DYSF: variants seen among roughly 807,000 people sequenced by gnomAD.
DYSF encodes the protein dysferlin.
A neutral mutation model predicts 274.9 loss-of-function variants in DYSF; 212 were observed. The observed-to-expected ratio is 0.77, with a 90% confidence interval of 0.69 to 0.86. The LOEUF (loss-of-function observed/expected upper bound fraction) is 0.86, where lower values mean the gene tolerates loss of function less well. Ranked by LOEUF, DYSF falls within the 40% of genes least tolerant of loss-of-function variation. DYSF has a pLI of 0.00. For missense variants in DYSF, 2,666 were observed against 2,783.2 expected (o/e 0.96, Z 0.95); for synonymous variants, 1,091 against 1,078.7 (o/e 1.01, Z -0.22).
At position 71,518,827 on chromosome 2, in the gene DYSF, T is replaced by C. The variant is rs1238414508; in HGVS notation, c.1003-1351T>C. Among the ~76,000 whole-genome samples the C allele has an allele frequency of 8.6e-5, 13 of 151,918 alleles. 1 individual carries two copies. The highest frequency in any genetic ancestry group is 1.3e-4 in the Admixed American group (2 of 15,242). ...AATTGCTGGGACCAGGCGCAGTGGC[T>C]CATGCCTGTGATCCCAGTGCTTTGG... On this transcript the variant is annotated intron_variant, in intron 10 of 55. Transcript: ENST00000410020.
At chr2:71,636,166 A>T (rs572762905) in intron 41 of DYSF, among the ~76,000 whole-genome samples, 1 of 152,314 alleles carries the variant, frequency 6.6e-6, no homozygotes, top group East Asian at 1.9e-4. Flanking sequence ...GCTCGATCAC[A>T]AGCGACTTTA....
chr2:71,553,170 A>G lies in DYSF; in HGVS notation c.1966A>G (p.Ser656Gly). ...CLPLASTTQYSRAVFDGCHYY... is the reference protein window; with the variant it reads ...CLPLASTTQYGRAVFDGCHYY... ...GCCGCTGGCCTCCACCACTCAGTAC[A>G]GCCGTGCAGTCTTTGACGGTGAGGC... is the stretch of plus-strand genomic sequence containing the variant. Residue 656 changes from serine to glycine, a missense_variant, in exon 20 of 56, where the codon AGC becomes GGC. Around this residue, in one of 3 missense-constraint regions of DYSF, gnomAD observed 412 missense variants for 504.0 expected, o/e 0.82. Transcript: ENST00000410020. 1 of 1,614,112 alleles carries G rather than the reference A, an allele frequency of 6.2e-7. No homozygotes were observed.
At chr2:71,625,354 G>A (rs886368220) in intron 41 of DYSF, among the ~76,000 whole-genome samples, 3 of 152,048 alleles carry the variant, frequency 2.0e-5, no homozygotes, top group South Asian at 2.1e-4. Context: ...TTGATTTTGC[G>A]TGCGTGTTAA....
Position 71,570,580 on chromosome 2 carries a change from C to T in DYSF, c.3086-19C>T. On this transcript the variant is annotated intron_variant, in intron 28 of 55. Transcript: ENST00000410020. Reference sequence around the variant, plus strand: ...GGGGGAACTGCCAAGCAATGAGTGACCGGTTCCCCCTCCCCCAGGCTGGGA... The same window carrying T: ...GGGGGAACTGCCAAGCAATGAGTGATCGGTTCCCCCTCCCCCAGGCTGGGA... 1 of 1,612,696 alleles carries T rather than the reference C, an allele frequency of 6.2e-7. No individual in the cohort carries two copies. Among genetic ancestry groups the T allele is most frequent in the South Asian group, 1.1e-5 (1 of 90,838 alleles).
At chr2:71,537,165 A>C (rs2089427467) in intron 16 of DYSF, among the ~76,000 whole-genome samples, 1 of 147,744 alleles carries the variant, frequency 6.8e-6, no homozygotes, top group Admixed American at 6.8e-5. Context: ...ACTGTCACTC[A>C]TCTGGTGCTG....
intron 30 of DYSF, among the ~76,000 whole-genome samples, chr2:71,576,597 C>G (rs371730124): frequency 4.6e-4 from 70 of 152,314 alleles, no homozygotes; most frequent in African/African-American, 1.6e-3. Flanking sequence ...ACGGTTGGCC[C>G]TGGCAAGGCT....
At chr2:71,578,156 C>T (rs2092773974) in intron 30 of DYSF, among the ~76,000 whole-genome samples, 1 of 152,180 alleles carries the variant, frequency 6.6e-6, no homozygotes, top group African/African-American at 2.4e-5. Flanking sequence ...GATTCAGGGT[C>T]TGGTGGGCCC....
At position 71,594,725 on chromosome 2, in the gene DYSF, G is replaced by A. The variant is rs115435523; in HGVS notation, c.3575-3839G>A. Among the ~76,000 whole-genome samples, 483 of 152,212 alleles carry A rather than the reference G, an allele frequency of 3.2e-3. 2 individuals carry two copies. Among genetic ancestry groups the A allele is most frequent in the African/African-American group, 0.011 (455 of 41,534 alleles). On this transcript the variant is annotated intron_variant, in intron 32 of 55. Transcript: ENST00000410020. ...GTGTGTTTACCCTTGCCATGCTTGC[G>A]CCTGGAATGCCCCCTTTTCCTTGGT...
intron 4 of DYSF, among the ~76,000 whole-genome samples, chr2:71,511,255 C>T (rs3924297): frequency 0.11 from 16,277 of 152,284 alleles, 1,147 homozygotes; most frequent in African/African-American, 0.19. Flanking sequence ...GCTCTGCAAG[C>T]CTGGCAGCAC....
chr2:71,513,193 C>T (rs2086278550), intron 5 of DYSF, 47 bp from the exon 6 acceptor site: 1 of 1,542,200 alleles, frequency 6.5e-7, no homozygotes, highest in African/African-American at 1.4e-5. Flanking sequence ...TCCTTCACCC[C>T]AACCTCCTCC....
chr2:71,506,999 C>T (rs142613231), intron 4 of DYSF, among the ~76,000 whole-genome samples: 158 of 152,132 alleles, frequency 1.0e-3, no homozygotes, highest in African/African-American at 3.4e-3. Flanking sequence ...GGTGTAGAAA[C>T]ACCGGATGCT....
At chr2:71,613,312 T>C in intron 39 of DYSF, 22 bp from the exon 40 acceptor site, 1 of 1,605,746 alleles carries the variant, frequency 6.2e-7, no homozygotes, top group African/African-American at 1.3e-5. Flanking sequence ...CTCTCAGGCC[T>C]GGATGGCTCC....
At chr2:71,661,116 CAAAAA>C (rs55761719) in intron 45 of DYSF, among the ~76,000 whole-genome samples, 6 of 85,938 alleles carry the variant, frequency 7.0e-5, no homozygotes, top group Non-Finnish European at 4.6e-5. Flanking sequence ...AACCCTGTCT[CAAAAA>C]AAAAAAAAAA....
chr2:71,663,201 C>T lies in DYSF; in HGVS notation c.5004-1067C>T, dbSNP rs149708614. On this transcript the variant is annotated intron_variant, in intron 45 of 55. Coordinates refer to ENST00000410020, the MANE Select transcript of DYSF (RefSeq NM_001130987.2). ...TCATGTGCCCACCACCGCTGTCATC[C>T]GGGTACTCTCTGGACCACGGATGTT... Among the ~76,000 whole-genome samples the T allele has an allele frequency of 2.5e-3, 388 of 152,252 alleles. 3 individuals carry two copies. Among genetic ancestry groups the T allele is most frequent in the African/African-American group, 9.0e-3 (374 of 41,544 alleles).
At chr2:71,558,194 G>T (rs920546326) in intron 22 of DYSF, among the ~76,000 whole-genome samples, 1 of 152,194 alleles carries the variant, frequency 6.6e-6, no homozygotes, top group Admixed American at 6.5e-5. Flanking sequence ...GGAGCCACAG[G>T]AGGGTTCAGA....
chr2:71,544,144 A>G (rs2090266857), intron 17 of DYSF, among the ~76,000 whole-genome samples: 1 of 152,296 alleles, frequency 6.6e-6, no homozygotes, highest in East Asian at 1.9e-4. Flanking sequence ...TATGCAGGTG[A>G]ATGCTTTCCT....
chr2:71,542,286 A>T (rs957089317), intron 17 of DYSF, among the ~76,000 whole-genome samples: 1 of 152,126 alleles, frequency 6.6e-6, no homozygotes, highest in Admixed American at 6.5e-5. Flanking sequence ...TATGTTGCTA[A>T]TCTGATTTTT....
At chr2:71,468,763 A>T (rs1301977016) in intron 1 of DYSF, among the ~76,000 whole-genome samples, 1 of 152,214 alleles carries the variant, frequency 6.6e-6, no homozygotes, top group Non-Finnish European at 1.5e-5. Flanking sequence ...GACAAGCAGC[A>T]GCACCTTGCT....
chr2:71,570,017 T>C (rs2092329361), intron 27 of DYSF, 83 bp downstream of exon 27: 2 of 1,303,792 alleles, frequency 1.5e-6, no homozygotes, highest in South Asian at 2.4e-5. Context: ...GTGGGGCATG[T>C]TTCTCTTTGC....
Sources: allele counts gnomAD v4.1 joint callset (sites outside exome capture counted in the v4.1 genomes callset), GRCh38; gene constraint gnomAD v4.1.1; regional missense constraint gnomAD v4.1.1; transcripts MANE v1.5; gene names NCBI Gene and HGNC (gene_info 2026-07-23, HGNC 2026-07-21).